Variants in CLPB observed in about 807,000 individuals in gnomAD.
The protein encoded by CLPB is ClpB family mitochondrial disaggregase.
In CLPB, 40 loss-of-function variants were observed where a neutral mutation model predicts 78.4. That is an observed-to-expected ratio of 0.51 (90% CI 0.40 to 0.66). CLPB has a LOEUF of 0.66. Ranked by LOEUF, CLPB falls within the 30% of genes least tolerant of loss-of-function variation. The probability of loss-of-function intolerance (pLI) is 0.00; values close to 1 mark genes in which losing one functional copy is unlikely to be tolerated. For missense variants in CLPB, 780 were observed against 886.9 expected (o/e 0.88, Z 1.53); for synonymous variants, 333 against 348.0 (o/e 0.96, Z 0.48).
chr11:72,318,876 C>T (rs961358241), intron 6 of CLPB, among the ~76,000 whole-genome samples: 1 of 152,166 alleles, frequency 6.6e-6, no homozygotes, highest in Non-Finnish European at 1.5e-5. Flanking sequence ...CGACTTCAGC[C>T]ATAGATCTGC....
intron 5 of CLPB, chr11:72,357,224 T>G (rs1338559520): frequency 1.4e-5 from 2 of 147,656 alleles, no homozygotes; most frequent in African/African-American, 5.3e-5. Flanking sequence ...TGACAGAAAG[T>G]GGCAAGATTA....
At chr11:72,390,542 C>CA (rs1590885085) in intron 3 of CLPB, among the ~76,000 whole-genome samples, 2 of 149,956 alleles carry the variant, frequency 1.3e-5, no homozygotes, top group Admixed American at 1.3e-4. Flanking sequence ...AGGAGGAAAC[C>CA]AAAAAAGGAT....
intron 1 of CLPB, among the ~76,000 whole-genome samples, chr11:72,432,725 G>A (rs190728993): frequency 1.3e-5 from 2 of 152,296 alleles, no homozygotes; most frequent in South Asian, 2.1e-4. Context: ...CAGAGGACCC[G>A]TGAGGAGAAG....
At chr11:72,422,516 T>TAGCATTCAAAAATGTACAC (rs1856240378) in intron 2 of CLPB, among the ~76,000 whole-genome samples, 1 of 152,186 alleles carries the variant, frequency 6.6e-6, no homozygotes, top group Non-Finnish European at 1.5e-5. Context: ...GTGTACACCC[T>TAGCATTCAAAAATGTACAC]AGCATTCAAA....
At chr11:72,316,472 C>A (rs1949944436) in intron 7 of CLPB, among the ~76,000 whole-genome samples, 1 of 152,168 alleles carries the variant, frequency 6.6e-6, no homozygotes, top group East Asian at 1.9e-4. Context: ...TTCAGCAGAA[C>A]CTTAGTTTTA....
intron 4 of CLPB, among the ~76,000 whole-genome samples, chr11:72,361,207 T>C (rs1725009516): frequency 6.6e-6 from 1 of 152,216 alleles, no homozygotes; most frequent in Admixed American, 6.5e-5. Context: ...TAGTTTCTTG[T>C]GGTTTATAGA....
rs960973380 is a variant in CLPB, at chr11:72,289,605, C to T, written c.*3762G>A. 2 of 152,146 alleles carry T rather than the reference C, an allele frequency of 1.3e-5. No homozygotes were observed. The highest frequency in any genetic ancestry group is 6.5e-5 in the Admixed American group (1 of 15,274). 9.4% of individuals were successfully genotyped at this position (152,146 alleles called of 1,614,324 possible). A position where few individuals can be genotyped will look rare whatever the true frequency, so the allele number is the denominator to read the frequency against. On this transcript the variant is annotated 3_prime_UTR_variant, in exon 16 of 16. Transcript: ENST00000538039. ...TAAAAATATGAAACGGAGTCTTGCT[C>T]TGTCACTCAGGCTGCAGTGCAGTGG...
intron 2 of CLPB, among the ~76,000 whole-genome samples, chr11:72,411,174 G>A (rs1050981476): frequency 6.6e-6 from 1 of 152,172 alleles, no homozygotes; most frequent in African/African-American, 2.4e-5. Flanking sequence ...ACAAAGCTCG[G>A]GGTCTGAATG....
At chr11:72,343,200 A>G (rs1950452708) in intron 5 of CLPB, among the ~76,000 whole-genome samples, 1 of 152,208 alleles carries the variant, frequency 6.6e-6, no homozygotes, top group Non-Finnish European at 1.5e-5. Context: ...AATGAGGTAC[A>G]CTCAAATATA....
At chr11:72,426,671 CAAAG>C (rs1856386616) in intron 2 of CLPB, among the ~76,000 whole-genome samples, 1 of 152,108 alleles carries the variant, frequency 6.6e-6, no homozygotes, top group Non-Finnish European at 1.5e-5. Context: ...CAATAAAAAG[CAAAG>C]AAAGAGTCAC....
chr11:72,364,328 C>G (rs929631588), intron 4 of CLPB, among the ~76,000 whole-genome samples: 1 of 152,112 alleles, frequency 6.6e-6, no homozygotes, highest in African/African-American at 2.4e-5. Flanking sequence ...CTGCCTCAGC[C>G]TCCCGAGTAG....
intron 2 of CLPB, among the ~76,000 whole-genome samples, chr11:72,424,081 AACAG>A (rs1331446200): frequency 3.9e-5 from 6 of 152,242 alleles, no homozygotes; most frequent in Non-Finnish European, 7.3e-5. Flanking sequence ...TAGCAGCCCA[AACAG>A]ACAAAGACAG....
chr11:72,402,590 A>G (rs1855594565), intron 3 of CLPB, among the ~76,000 whole-genome samples: 1 of 152,188 alleles, frequency 6.6e-6, no homozygotes, highest in Non-Finnish European at 1.5e-5. Context: ...CCCCTGGAGG[A>G]GCACTCACTG....
chr11:72,392,121 G>A (rs1855271316), intron 3 of CLPB, among the ~76,000 whole-genome samples: 1 of 151,798 alleles, frequency 6.6e-6, no homozygotes, highest in Non-Finnish European at 1.5e-5. Context: ...AAGCAAGAAG[G>A]GCAGTGATCC....
intron 3 of CLPB, among the ~76,000 whole-genome samples, chr11:72,400,753 C>T (rs929862579): frequency 2.6e-5 from 4 of 152,182 alleles, no homozygotes; most frequent in South Asian, 4.1e-4. Context: ...TAACAACCCA[C>T]CTTTATAACC....
At position 72,291,239 on chromosome 11, in the gene CLPB, C is replaced by T. The variant is rs2135480047; in HGVS notation, c.*2128G>A. The T allele has an allele frequency of 6.6e-6, 1 of 152,334 alleles. No homozygotes were observed. The highest frequency in any genetic ancestry group is 1.9e-4 in the East Asian group (1 of 5,178). The allele number at this position is 152,334 out of a possible 1,614,324, so 9.4% of individuals were successfully genotyped here. Reference sequence around the variant, plus strand: ...ATGGGACCCTGGACCAGACAAAGGACATCATCGGGAAAACTGGCAAAATTT... The same window carrying T: ...ATGGGACCCTGGACCAGACAAAGGATATCATCGGGAAAACTGGCAAAATTT... On this transcript the variant is annotated 3_prime_UTR_variant, in exon 16 of 16. Transcript: ENST00000538039.
intron 3 of CLPB, among the ~76,000 whole-genome samples, chr11:72,399,910 T>C (rs1855513938): frequency 1.3e-5 from 2 of 152,190 alleles, no homozygotes; most frequent in Non-Finnish European, 2.9e-5. Flanking sequence ...TGGCAGATTG[T>C]GCTGGTATGG....
chr11:72,390,740 T>C (rs2135045635), intron 3 of CLPB, among the ~76,000 whole-genome samples: 1 of 152,332 alleles, frequency 6.6e-6, no homozygotes, highest in Middle Eastern at 3.4e-3. Context: ...GGTGCAGCCA[T>C]TCTGGAAGCC....
chr11:72,317,272 A>G (rs781724519), intron 6 of CLPB, 52 bp from the exon 7 acceptor site: 1 of 1,335,984 alleles, frequency 7.5e-7, no homozygotes, highest in Non-Finnish European at 1.0e-6. Context: ...ATAGCACCAT[A>G]GCTTCACTCT....
Sources: allele counts gnomAD v4.1 joint callset (sites outside exome capture counted in the v4.1 genomes callset), GRCh38; gene constraint gnomAD v4.1.1; transcripts MANE v1.5; gene names NCBI Gene and HGNC (gene_info 2026-07-23, HGNC 2026-07-21).